CYP2C19: variants seen among roughly 807,000 people sequenced by gnomAD.
CYP2C19 encodes the protein cytochrome P450 2C19.
Under a neutral mutation model 40.9 loss-of-function variants are expected in CYP2C19, and 59 were observed. The observed-to-expected ratio is 1.44, with a 90% CI of 1.17 to 1.79. The LOEUF (loss-of-function observed/expected upper bound fraction) is 1.79, where lower values mean the gene tolerates loss of function less well. CYP2C19 is among the 40% of genes most tolerant of loss of function. The pLI is 0.00. For synonymous variants in CYP2C19, 253 were observed against 208.7 expected, an observed-to-expected ratio of 1.21 and a Z score of -1.83; for missense variants, 754 against 596.9, an observed-to-expected ratio of 1.26 and a Z score of -2.74.
intron 6 of CYP2C19, among the ~76,000 whole-genome samples, chr10:94,838,516 G>GA (rs1163093559): frequency 1.3e-5 from 2 of 152,148 alleles, no homozygotes; most frequent in East Asian, 3.9e-4. Flanking sequence ...GTCTGAGAGA[G>GA]AAAAAGGTAC....
chr10:94,830,369 T>C (rs1374574309), intron 6 of CYP2C19, among the ~76,000 whole-genome samples: 1 of 152,228 alleles, frequency 6.6e-6, no homozygotes, highest in Admixed American at 6.5e-5. Flanking sequence ...GCACCGTTTT[T>C]TAAGCCCATC....
intron 1 of CYP2C19, among the ~76,000 whole-genome samples, chr10:94,773,124 C>T (rs1272918006): frequency 6.6e-6 from 1 of 152,118 alleles, no homozygotes; most frequent in Non-Finnish European, 1.5e-5. Context: ...GTATTTAGCC[C>T]CTGAATTCTA....
chr10:94,837,782 G>A (rs1849427995), intron 6 of CYP2C19, among the ~76,000 whole-genome samples: 1 of 152,072 alleles, frequency 6.6e-6, no homozygotes, highest in African/African-American at 2.4e-5. Flanking sequence ...GCATGGGCTG[G>A]GGCTTGCCCC....
In CYP2C19 at chr10:94,852,785, C is replaced by G. The variant is rs118203759; in HGVS notation, c.1344C>G (p.Phe448Leu). ...EGLARMELFL[F>L]LTFILQNFNL... ...TGGCCCGCATGGAGCTGTTTTTATT[C>G]CTGACCTTCATTTTACAGAACTTTA... is the stretch of plus-strand genomic sequence containing the variant. Residue 448 changes from phenylalanine to leucine, a missense_variant, in exon 9 of 9, where the codon TTC becomes TTG. By Grantham distance (22) the Phe-to-Leu change is conservative. Transcript: ENST00000371321. 1 of 1,614,036 alleles carries G rather than the reference C, an allele frequency of 6.2e-7. No homozygotes were observed. Among genetic ancestry groups the G allele is most frequent in the Non-Finnish European group, 8.5e-7 (1 of 1,179,958 alleles).
At chr10:94,806,422 A>C (rs1848837217) in intron 5 of CYP2C19, among the ~76,000 whole-genome samples, 1 of 152,034 alleles carries the variant, frequency 6.6e-6, no homozygotes, top group South Asian at 2.1e-4. Context: ...TATACCCAGA[A>C]GTGGCATTTC....
At chr10:94,816,894 C>T (rs1338403684) in intron 5 of CYP2C19, among the ~76,000 whole-genome samples, 1 of 146,660 alleles carries the variant, frequency 6.8e-6, no homozygotes, top group Non-Finnish European at 1.5e-5. Flanking sequence ...CATGTCCCTA[C>T]AAAGGATATG....
At chr10:94,844,046 A>T (rs1433152019) in intron 7 of CYP2C19, among the ~76,000 whole-genome samples, 1 of 152,126 alleles carries the variant, frequency 6.6e-6, no homozygotes, top group African/African-American at 2.4e-5. Flanking sequence ...ATTCACAAGG[A>T]TTTAGTTTGT....
intron 5 of CYP2C19, among the ~76,000 whole-genome samples, chr10:94,798,034 C>T (rs1488774197): frequency 1.3e-5 from 2 of 152,016 alleles, no homozygotes. Context: ...CTTCTGCTAG[C>T]TTTGGAATTT....
At chr10:94,802,455 T>C (rs1440140299) in intron 5 of CYP2C19, among the ~76,000 whole-genome samples, 5 of 152,074 alleles carry the variant, frequency 3.3e-5, no homozygotes, top group African/African-American at 1.2e-4. Flanking sequence ...CCTCCATCCC[T>C]TTATTTTGAG....
intron 6 of CYP2C19, among the ~76,000 whole-genome samples, chr10:94,829,424 C>A (rs1849291150): frequency 6.6e-6 from 1 of 152,158 alleles, no homozygotes; most frequent in Admixed American, 6.5e-5. Flanking sequence ...ATTGCTGATA[C>A]CCTTTCTTCC....
intron 5 of CYP2C19, among the ~76,000 whole-genome samples, chr10:94,790,006 C>T (rs182808767): frequency 1.1e-4 from 17 of 152,152 alleles, no homozygotes; most frequent in Non-Finnish European, 1.5e-5. Flanking sequence ...TGTTTGTGTC[C>T]TCTTTTATTT....
Position 94,853,226 on chromosome 10 carries a change from G to C in CYP2C19, c.*312G>C, listed in dbSNP as rs1278096693. On this transcript the variant is annotated 3_prime_UTR_variant, in exon 9 of 9. Coordinates refer to ENST00000371321, the MANE Select transcript of CYP2C19 (RefSeq NM_000769.4). ...TATAATTCAAAGGCATTTCTTCTCT[G>C]CATGTTCTAAACAAAAAGCATTATT... 1.0e-5 allele frequency: 4 copies of C among 385,524 alleles called. No homozygotes were observed. The highest frequency in any genetic ancestry group is 1.9e-5 in the Non-Finnish European group (4 of 214,556). 23.9% of individuals were successfully genotyped at this position (385,524 alleles called of 1,614,324 possible).
intron 5 of CYP2C19, among the ~76,000 whole-genome samples, chr10:94,815,523 A>G (rs74152369): frequency 0.078 from 11,818 of 152,118 alleles, 526 homozygotes; most frequent in South Asian, 0.12. Flanking sequence ...CATTGCTTCC[A>G]CTCTCTGAAC....
intron 6 of CYP2C19, among the ~76,000 whole-genome samples, chr10:94,824,910 G>C (rs1002313320): frequency 1.3e-5 from 2 of 148,174 alleles, no homozygotes; most frequent in African/African-American, 5.0e-5. Flanking sequence ...TGCAGTGTTT[G>C]GTTTTCTGTT....
At chr10:94,776,004 T>G (rs188510631) in intron 3 of CYP2C19, 222 of 180,444 alleles carry the variant, frequency 1.2e-3, no homozygotes, top group African/African-American at 5.1e-3. Context: ...ATGGTCAGCC[T>G]CACTGACTTG....
At chr10:94,844,862 A>G (rs564372505) in intron 7 of CYP2C19, among the ~76,000 whole-genome samples, 1 of 152,314 alleles carries the variant, frequency 6.6e-6, no homozygotes, top group African/African-American at 2.4e-5. Context: ...AATATACTGA[A>G]GAATCAGGAT....
chr10:94,779,923 A>C (rs1424225999), intron 3 of CYP2C19, among the ~76,000 whole-genome samples: 1 of 152,054 alleles, frequency 6.6e-6, no homozygotes, highest in Non-Finnish European at 1.5e-5. Context: ...TTTTTGTTTA[A>C]TTTTTTTGAC....
intron 5 of CYP2C19, among the ~76,000 whole-genome samples, chr10:94,806,186 C>T (rs991176938): frequency 9.9e-5 from 15 of 152,058 alleles, no homozygotes; most frequent in East Asian, 3.9e-4. Flanking sequence ...TTCACTTTGC[C>T]TAATGTTATG....
intron 6 of CYP2C19, among the ~76,000 whole-genome samples, chr10:94,832,689 A>G (rs567588092): frequency 6.6e-5 from 10 of 152,066 alleles, no homozygotes; most frequent in African/African-American, 2.4e-4. Flanking sequence ...TTTAAGTGAG[A>G]TAATGTGATT....
Sources: gnomAD v4.1 joint callset for allele counts (sites outside exome capture counted in the v4.1 genomes callset) on GRCh38, gnomAD v4.1.1 for gene constraint, MANE v1.5 for transcripts, NCBI Gene and HGNC (gene_info 2026-07-23, HGNC 2026-07-21) for gene names.